DOK6: variants seen among roughly 807,000 people sequenced by gnomAD.
The protein encoded by DOK6 is docking protein 6.
A neutral mutation model predicts 44.0 loss-of-function variants in DOK6; 22 were observed. The ratio of observed to expected loss-of-function variants is 0.50; its 90% CI spans 0.36 to 0.71. The LOEUF (loss-of-function observed/expected upper bound fraction) is 0.71. Among genes scored for constraint, DOK6 ranks in the 30% least tolerant of loss-of-function variants. The probability of loss-of-function intolerance (pLI) is 0.00; values close to 1 mark genes in which losing one functional copy is unlikely to be tolerated. For missense variants in DOK6, 340 were observed against 416.4 expected (o/e 0.82, Z 1.60); for synonymous variants, 166 against 145.5 (o/e 1.14, Z -1.01).
At chr18:69,481,845 TAA>T (rs1325526504) in intron 1 of DOK6, among the ~76,000 whole-genome samples, 1 of 152,122 alleles carries the variant, frequency 6.6e-6, no homozygotes, top group South Asian at 2.1e-4. Flanking sequence ...ACCAACAGAG[TAA>T]AAGTGTTCCT....
rs1982358089 is a variant in DOK6 at position 69,846,958 on chromosome 18, G to A, written c.*5575G>A. On this transcript the variant is annotated 3_prime_UTR_variant, in exon 8 of 8. Transcript: ENST00000382713. ...TTTAAATTAACTGAAGTTTAAATAA[G>A]AAATATGTTAAAATTACTAAATAAT... The A allele has an allele frequency of 6.6e-6, 1 of 151,958 alleles. No homozygotes were observed. The highest frequency in any genetic ancestry group is 1.5e-5 in the Non-Finnish European group (1 of 67,986). The allele number at this position is 151,958 out of a possible 1,614,324, so 9.4% of individuals were successfully genotyped here.
At chr18:69,824,490 G>C (rs1310241541) in intron 7 of DOK6, among the ~76,000 whole-genome samples, 1 of 151,826 alleles carries the variant, frequency 6.6e-6, no homozygotes, top group Non-Finnish European at 1.5e-5. Flanking sequence ...AGCTTCCCAA[G>C]TAGCTGAAAC....
At chr18:69,591,589 G>T (rs114045914) in intron 2 of DOK6, among the ~76,000 whole-genome samples, 5,159 of 103,794 alleles carry the variant, frequency 0.05, 315 homozygotes, top group African/African-American at 0.13. Context: ...AAGAGACTAA[G>T]GTCGATATTA....
chr18:69,466,115 AT>A (rs1330504305), intron 1 of DOK6, among the ~76,000 whole-genome samples: 1 of 152,124 alleles, frequency 6.6e-6, no homozygotes, highest in East Asian at 1.9e-4. Context: ...TTGTGAACTT[AT>A]TCATCCTGTC....
chr18:69,502,236 A>C (rs899572969), intron 1 of DOK6, among the ~76,000 whole-genome samples: 2 of 152,096 alleles, frequency 1.3e-5, no homozygotes, highest in Non-Finnish European at 2.9e-5. Flanking sequence ...TGTTGGAAGA[A>C]TGACGAATTT....
intron 1 of DOK6, among the ~76,000 whole-genome samples, chr18:69,514,724 TA>T (rs1252805493): frequency 6.6e-6 from 1 of 151,640 alleles, no homozygotes. Flanking sequence ...TGTTTTTTTT[TA>T]AGAAACTATT....
At chr18:69,795,346 C>A (rs1980714009) in intron 7 of DOK6, among the ~76,000 whole-genome samples, 1 of 152,020 alleles carries the variant, frequency 6.6e-6, no homozygotes, top group Non-Finnish European at 1.5e-5. Flanking sequence ...CCATTTTTTT[C>A]ATTCAGAATA....
chr18:69,816,922 T>C (rs1853621938), intron 7 of DOK6, among the ~76,000 whole-genome samples: 1 of 152,198 alleles, frequency 6.6e-6, no homozygotes, highest in Admixed American at 6.5e-5. Flanking sequence ...CAGTAGGAAC[T>C]TGAAGAAAAC....
intron 4 of DOK6, among the ~76,000 whole-genome samples, chr18:69,685,403 G>T (rs746195190): frequency 3.2e-4 from 48 of 152,264 alleles, no homozygotes; most frequent in Non-Finnish European, 6.0e-4. Context: ...TTCCTACTCT[G>T]CACATTGAGG....
chr18:69,764,166 T>C (rs1979646443), intron 7 of DOK6, among the ~76,000 whole-genome samples: 2 of 152,094 alleles, frequency 1.3e-5, no homozygotes, highest in South Asian at 4.1e-4. Flanking sequence ...TTTAACATGA[T>C]GGCTCAAAAT....
At chr18:69,664,636 T>C (rs1985610719) in intron 3 of DOK6, among the ~76,000 whole-genome samples, 1 of 152,124 alleles carries the variant, frequency 6.6e-6, no homozygotes, top group African/African-American at 2.4e-5. Flanking sequence ...CTGCAAGCAA[T>C]ATCACCCTGT....
At position 69,752,931 on chromosome 18, in the gene DOK6, G is replaced by A. The variant is rs114377513; in HGVS notation, c.739-4825G>A. Among the ~76,000 whole-genome samples the A allele has an allele frequency of 5.2e-3, 796 of 152,256 alleles. 5 individuals are homozygous for A. Among genetic ancestry groups the A allele is most frequent in the African/African-American group, 0.017 (704 of 41,550 alleles). ...TTATCAGGGGGCTGCTAGCAACCCT[G>A]CCCAGCCTTTGCCTTGGAGGAAAAT... is the stretch of plus-strand genomic sequence containing the variant. On this transcript the variant is annotated intron_variant, in intron 6 of 7. Coordinates refer to ENST00000382713, the MANE Select transcript of DOK6 (RefSeq NM_152721.6).
intron 1 of DOK6, among the ~76,000 whole-genome samples, chr18:69,559,290 C>G (rs1297513639): frequency 1.3e-5 from 2 of 151,550 alleles, no homozygotes; most frequent in Non-Finnish European, 2.9e-5. Flanking sequence ...TTACATATTT[C>G]CACGAATATT....
At chr18:69,731,042 T>C (rs531199967) in intron 5 of DOK6, among the ~76,000 whole-genome samples, 1 of 152,306 alleles carries the variant, frequency 6.6e-6, no homozygotes, top group Non-Finnish European at 1.5e-5. Flanking sequence ...CCGAGTATCT[T>C]AGAATGATTT....
intron 7 of DOK6, among the ~76,000 whole-genome samples, chr18:69,776,918 G>A (rs1211727856): frequency 6.7e-6 from 1 of 148,266 alleles, no homozygotes; most frequent in Non-Finnish European, 1.5e-5. Context: ...TAAAAAGACT[G>A]CATGTTCTCA....
chr18:69,781,212 G>A (rs1220536671), intron 7 of DOK6: 7 of 151,954 alleles, frequency 4.6e-5, no homozygotes, highest in African/African-American at 1.7e-4. Context: ...TTTTTCTATA[G>A]TGCTATAAAA....
chr18:69,620,328 C>T (rs554794604), intron 3 of DOK6, among the ~76,000 whole-genome samples: 4 of 152,266 alleles, frequency 2.6e-5, no homozygotes, highest in Admixed American at 6.5e-5. Context: ...TGATAAATAT[C>T]ACCTACTTCA....
intron 1 of DOK6, among the ~76,000 whole-genome samples, chr18:69,512,149 T>C (rs1033736548): frequency 4.2e-5 from 6 of 144,532 alleles, no homozygotes; most frequent in African/African-American, 1.5e-4. Context: ...GGAAATTATA[T>C]TCCATATTTG....
chr18:69,455,459 A>G (rs73969753), intron 1 of DOK6, among the ~76,000 whole-genome samples: 5 of 152,356 alleles, frequency 3.3e-5, no homozygotes, highest in African/African-American at 1.2e-4. Context: ...CATAAAGTGA[A>G]CATTGACTCA....
Sources: allele counts gnomAD v4.1 joint callset (sites outside exome capture counted in the v4.1 genomes callset), GRCh38; gene constraint gnomAD v4.1.1; transcripts MANE v1.5; gene names NCBI Gene and HGNC (gene_info 2026-07-23, HGNC 2026-07-21).